BZW1: variants seen among roughly 807,000 people sequenced by gnomAD.
The protein encoded by BZW1 is eIF5-mimic protein 2.
BZW1 carries 3 observed loss-of-function variants against 54.1 expected under a neutral mutation model. That is an observed-to-expected ratio of 0.06 (90% CI 0.03 to 0.14). The LOEUF is 0.14. Among genes scored for constraint, BZW1 ranks in the 10% least tolerant of loss-of-function variants. The probability of loss-of-function intolerance (pLI) is 1.00; values close to 1 mark genes in which losing one functional copy is unlikely to be tolerated. For missense variants in BZW1, 206 were observed against 491.7 expected (o/e 0.42, Z 5.50); for synonymous variants, 152 against 162.7 (o/e 0.93, Z 0.50).
In BZW1 at chr2:200,824,275, A is replaced by G. The variant is rs1190434953; in HGVS notation, c.*2097A>G. 6.6e-6 allele frequency: 1 copy of G among 152,196 alleles called. No homozygotes were observed. The highest frequency in any genetic ancestry group is 1.5e-5 in the Non-Finnish European group (1 of 68,016). 9.4% of individuals were successfully genotyped at this position (152,196 alleles called of 1,614,324 possible). A position where few individuals can be genotyped will look rare whatever the true frequency, so the allele number is the denominator to read the frequency against. On this transcript the variant is annotated 3_prime_UTR_variant, in exon 12 of 12. Coordinates refer to ENST00000409600, the MANE Select transcript of BZW1 (RefSeq NM_001207067.2). ...TAAAAAGATTCCATTCTGAATCTTAAGTGGTAATTTTAGAATTCAGGTGCC... is the reference window on the plus strand; with the variant it reads ...TAAAAAGATTCCATTCTGAATCTTAGGTGGTAATTTTAGAATTCAGGTGCC...
At chr2:200,813,771 A>G (rs183521618) in intron 2 of BZW1, among the ~76,000 whole-genome samples, 2 of 152,188 alleles carry the variant, frequency 1.3e-5, no homozygotes, top group African/African-American at 4.8e-5. Flanking sequence ...TTAGAATTAT[A>G]TTACTATTTT....
At chr2:200,818,466 T>A in intron 8 of BZW1, 73 bp downstream of exon 8, 2 of 1,497,208 alleles carry the variant, frequency 1.3e-6, no homozygotes, top group Non-Finnish European at 1.8e-6. Flanking sequence ...TTGAGGAACT[T>A]ACTTCACCAG....
Position 200,815,405 on chromosome 2 carries a change from C to T in BZW1, c.129C>T (p.Thr43=), listed in dbSNP as rs770652522. The change falls in exon 3 of 12, where the codon ACC becomes ACT. Residue 43 remains threonine (T), a synonymous_variant. Coordinates refer to ENST00000409600, the MANE Select transcript of BZW1 (RefSeq NM_001207067.2). ...QDCIIQGLTE[T]GTDLEAVAKF... ...GTATTATTCAAGGCTTAACTGAAAC[C>T]GGTACTGATTTGGAAGCAGTAGCTA... 9.9e-6 allele frequency: 16 copies of T among 1,613,906 alleles called. No homozygotes were observed. The highest frequency in any genetic ancestry group is 8.8e-5 in the South Asian group (8 of 91,078).
chr2:200,814,134 TTTC>T (rs2038201563), intron 2 of BZW1, among the ~76,000 whole-genome samples: 1 of 152,206 alleles, frequency 6.6e-6, no homozygotes, highest in South Asian at 2.1e-4. Flanking sequence ...GCTGGTAAAT[TTTC>T]TTAAGGAGCT....
At chr2:200,822,123 G>C in intron 11 of BZW1, 24 bp from the exon 12 acceptor site, 1 of 1,594,772 alleles carries the variant, frequency 6.3e-7, no homozygotes, top group Non-Finnish European at 8.6e-7. Context: ...CATAATGTTT[G>C]ACTGTTTTTT....
At chr2:200,816,689 C>T (rs1453864473) in intron 5 of BZW1, among the ~76,000 whole-genome samples, 1 of 152,138 alleles carries the variant, frequency 6.6e-6, no homozygotes, top group African/African-American at 2.4e-5. Flanking sequence ...CAGGGTTTCA[C>T]CATGTTGGCT....
rs1420359225 is a variant in BZW1, at chr2:200,820,255, A to C, written c.1105+135A>C. 4 of 779,038 alleles carry C rather than the reference A, an allele frequency of 5.1e-6. No individual in the cohort carries two copies. In the East Asian group the frequency reaches 8.7e-5, roughly 17 times the overall value. The allele number at this position is 779,038 out of a possible 1,614,324, so 48.3% of individuals were successfully genotyped here. On this transcript the variant is annotated intron_variant, in intron 10 of 11. Coordinates refer to ENST00000409600, the MANE Select transcript of BZW1 (RefSeq NM_001207067.2). ...TCTAGTTATGAGTCACCTCTGATTA[A>C]ATTGGGTGCTTTTTAGTGCACTGAT... is the stretch of plus-strand genomic sequence containing the variant.
intron 11 of BZW1, 123 bp from the exon 12 acceptor site, chr2:200,822,024 G>A: frequency 1.2e-6 from 1 of 859,362 alleles, no homozygotes; most frequent in Non-Finnish European, 1.9e-6. Flanking sequence ...AGCCAAGAGG[G>A]TGCTGCTGCA....
intron 10 of BZW1, among the ~76,000 whole-genome samples, chr2:200,820,525 T>TA (rs1273546071): frequency 6.6e-6 from 1 of 151,766 alleles, no homozygotes; most frequent in Non-Finnish European, 1.5e-5. Context: ...ACAAAAAAAA[T>TA]AAAAAATTAG....
intron 9 of BZW1, among the ~76,000 whole-genome samples, 199 bp from the exon 10 acceptor site, chr2:200,819,783 G>T (rs959397903): frequency 1.3e-5 from 2 of 151,908 alleles, no homozygotes; most frequent in South Asian, 4.2e-4. Flanking sequence ...TGATCCACCC[G>T]CCTCGGCCTC....
In BZW1 at chr2:200,822,166, A is replaced by G; in HGVS notation, c.1248A>G (p.Glu416=). The part of the protein sequence containing the change: ...NAEEESESEA[E]EGD ...TTCTAGAATCTGAATCTGAAGCTGA[A>G]GAAGGTGACTGAATTTTGAAACTAC... Residue 416 remains glutamate (E), a synonymous_variant, in exon 12 of 12, where the codon GAA becomes GAG. Transcript: ENST00000409600. 1 of 1,605,718 alleles carries G rather than the reference A, an allele frequency of 6.2e-7. No individual in the cohort carries two copies. The highest frequency in any genetic ancestry group is 8.5e-7 in the Non-Finnish European group (1 of 1,175,360).
In BZW1 at chr2:200,826,393, ATAGATAGATAGATATTTTT is replaced by A. The variant is rs2038692193; in HGVS notation, c.*4217_*4235del. 5 of 113,082 alleles carry A rather than the reference ATAGATAGATAGATATTTTT, an allele frequency of 4.4e-5. No individual in the cohort carries two copies. Among genetic ancestry groups the A allele is most frequent in the Admixed American group, 1.8e-4 (2 of 10,908 alleles). The allele number at this position is 113,082 out of a possible 1,614,324, so 7.0% of individuals were successfully genotyped here. A position where few individuals can be genotyped will look rare whatever the true frequency, so the allele number is the denominator to read the frequency against. On this transcript the variant is annotated 3_prime_UTR_variant, in exon 12 of 12. Coordinates refer to ENST00000409600, the MANE Select transcript of BZW1 (RefSeq NM_001207067.2). ...AAGATATAGATAGATAGATAGATAG[ATAGATAGATAGATATTTTT>A]TTTTTTTTTTTTTTTTTTTTTTTTT...
At chr2:200,815,881 G>A (rs917128171) in intron 4 of BZW1, 120 bp downstream of exon 4, 11 of 998,774 alleles carry the variant, frequency 1.1e-5, no homozygotes, top group African/African-American at 1.7e-5. Flanking sequence ...TTAAATTTTA[G>A]GGATACTGTT....
intron 10 of BZW1, 199 bp downstream of exon 10, chr2:200,820,319 G>A (rs1459513221): frequency 7.1e-6 from 3 of 419,804 alleles, no homozygotes; most frequent in Non-Finnish European, 1.3e-5. Flanking sequence ...ACAAGTTGAA[G>A]TATGAAATCT....
At chr2:200,822,084 T>A in intron 11 of BZW1, 63 bp from the exon 12 acceptor site, 1 of 1,464,152 alleles carries the variant, frequency 6.8e-7, no homozygotes, top group Non-Finnish European at 9.4e-7. Context: ...AGCTTCAAAG[T>A]TATAAATGGG....
chr2:200,817,965 C>T lies in BZW1; in HGVS notation c.539-9C>T. On this transcript the variant is annotated splice_polypyrimidine_tract_variant and intron_variant, in intron 6 of 11. Transcript: ENST00000409600. ...GTACTTCTGTTAATTAAGCTATTTT[C>T]TTTTACAGGAGTTTCAGCAGCTTTT... 2 of 1,538,084 alleles carry T rather than the reference C, an allele frequency of 1.3e-6. No individual in the cohort carries two copies. Among genetic ancestry groups the T allele is most frequent in the Non-Finnish European group, 1.8e-6 (2 of 1,136,958 alleles).
At position 200,818,365 on chromosome 2, in the gene BZW1, A is replaced by T. The variant is rs748578473; in HGVS notation, c.791A>T (p.Gln264Leu). The change falls in exon 8 of 12, where the codon CAG becomes CTG. Residue 264 changes from glutamine (Q) to leucine (L), a missense_variant. By Grantham distance (113) the Gln-to-Leu change is moderately radical (BLOSUM62 -2). Transcript: ENST00000409600. ...RKELQKELQE[Q>L]MSRGDPFKDI... ...GAGCTCCAGAAAGAACTTCAAGAAC[A>T]GATGTCCCGTGGTGATCCATTTAAG... 1 of 1,599,748 alleles carries T rather than the reference A, an allele frequency of 6.3e-7. No homozygotes were observed. The highest frequency in any genetic ancestry group is 8.5e-7 in the Non-Finnish European group (1 of 1,176,818).
intron 1 of BZW1, chr2:200,812,716 G>T: frequency 1.2e-6 from 1 of 808,288 alleles, no homozygotes; most frequent in South Asian, 1.5e-5. Context: ...CCGCTGTTGC[G>T]GTCACAGGCA....
chr2:200,812,077 C>CGGCCCGGCTTGGATG, intron 1 of BZW1, 87 bp downstream of exon 1: 1 of 511,634 alleles, frequency 2.0e-6, no homozygotes, highest in Non-Finnish European at 3.0e-6. Flanking sequence ...GGGCTGGATG[C>CGGCCCGGCTTGGATG]GGCCCGGCTT....
Sources: allele counts gnomAD v4.1 joint callset (sites outside exome capture counted in the v4.1 genomes callset), GRCh38; gene constraint gnomAD v4.1.1; transcripts MANE v1.5; gene names NCBI Gene and HGNC (gene_info 2026-07-23, HGNC 2026-07-21).